Variants in ASIC2 observed in about 807,000 individuals in gnomAD.
The protein encoded by ASIC2 is acid-sensing ion channel 2.
A neutral mutation model predicts 57.3 loss-of-function variants in ASIC2; 25 were observed. The observed-to-expected ratio is 0.44, with a 90% CI of 0.32 to 0.61. The LOEUF is 0.61. ASIC2 is among the 20% of genes least tolerant of loss of function. The pLI is 0.06. For synonymous variants in ASIC2, 319 were observed against 307.5 expected (o/e 1.04, Z -0.39); for missense variants, 641 against 738.1 (o/e 0.87, Z 1.52).
intron 1 of ASIC2, among the ~76,000 whole-genome samples, chr17:33,976,017 A>G (rs1029437340): frequency 2.0e-5 from 3 of 150,916 alleles, no homozygotes; most frequent in Non-Finnish European, 4.4e-5. Context: ...CTATCTTCAG[A>G]CCTCCCCTTT....
chr17:33,908,087 T>A lies in ASIC2; in HGVS notation c.555+247891A>T, dbSNP rs567839816. ...ATTTCCCATTATCTTATTTCCTCCT[T>A]ACAGTGTCCCAGTGTGCACAGCAGC... On this transcript the variant is annotated intron_variant, in intron 1 of 9. Transcript: ENST00000359872. 6.6e-5 allele frequency among the ~76,000 whole-genome samples: 10 copies of A among 152,206 alleles called. No homozygotes were observed. In the South Asian group the frequency reaches 1.7e-3, roughly 25 times the overall value.
At chr17:33,362,490 T>C (rs1431147642) in intron 1 of ASIC2, among the ~76,000 whole-genome samples, 2 of 152,146 alleles carry the variant, frequency 1.3e-5, no homozygotes, top group Non-Finnish European at 2.9e-5. Flanking sequence ...CTGGATGATG[T>C]TGGGGAACAC....
upstream of ASIC2, among the ~76,000 whole-genome samples, chr17:33,294,668 T>G (rs1044683743): frequency 2.0e-5 from 3 of 152,048 alleles, no homozygotes; most frequent in African/African-American, 7.3e-5. Flanking sequence ...TGAACATACA[T>G]GTATACCAAC....
intron 1 of ASIC2, among the ~76,000 whole-genome samples, chr17:33,618,741 T>G (rs1490972716): frequency 6.6e-6 from 1 of 152,176 alleles, no homozygotes; most frequent in African/African-American, 2.4e-5. Flanking sequence ...CCCTTGCTGC[T>G]GTCTCTTCAT....
chr17:33,992,605 C>T (rs547253636), intron 1 of ASIC2, among the ~76,000 whole-genome samples: 9 of 152,304 alleles, frequency 5.9e-5, no homozygotes, highest in Non-Finnish European at 1.2e-4. Context: ...CTCGCAAAAG[C>T]CAATTACCTG....
chr17:33,572,682 C>T (rs564461364), intron 1 of ASIC2, among the ~76,000 whole-genome samples: 1 of 152,192 alleles, frequency 6.6e-6, no homozygotes, highest in Admixed American at 6.5e-5. Flanking sequence ...CAGGCCCAGC[C>T]GCTTACCTGA....
chr17:33,664,767 A>G (rs1207225442), intron 1 of ASIC2, among the ~76,000 whole-genome samples: 1 of 152,194 alleles, frequency 6.6e-6, no homozygotes, highest in African/African-American at 2.4e-5. Flanking sequence ...TTTACAATAT[A>G]TTGTTGAGTT....
chr17:33,489,690 T>C (rs888921087), intron 1 of ASIC2, among the ~76,000 whole-genome samples: 25 of 152,342 alleles, frequency 1.6e-4, no homozygotes, highest in African/African-American at 6.0e-4. Flanking sequence ...GCTCTACCTG[T>C]TCACAAAAAT....
chr17:33,591,818 C>G (rs564082130), intron 1 of ASIC2, among the ~76,000 whole-genome samples: 1 of 152,276 alleles, frequency 6.6e-6, no homozygotes, highest in Non-Finnish European at 1.5e-5. Context: ...CCTCTCCTTG[C>G]TCGGTCCCCC....
At chr17:33,913,913 G>T (rs988259846) in intron 1 of ASIC2, among the ~76,000 whole-genome samples, 1 of 152,210 alleles carries the variant, frequency 6.6e-6, no homozygotes, top group African/African-American at 2.4e-5. Context: ...CTGTGAGATA[G>T]ATGCCATTAA....
At chr17:33,387,803 AT>A (rs1909741590) in intron 1 of ASIC2, among the ~76,000 whole-genome samples, 1 of 152,152 alleles carries the variant, frequency 6.6e-6, no homozygotes, top group South Asian at 2.1e-4. Flanking sequence ...GAGATCTTAA[AT>A]TTTTTCACCT....
chr17:34,107,303 A>G (rs1261394663), intron 1 of ASIC2, among the ~76,000 whole-genome samples: 2 of 152,080 alleles, frequency 1.3e-5, no homozygotes, highest in Admixed American at 6.5e-5. Context: ...GGAGTTTCAG[A>G]CCAGCCTGGA....
At chr17:33,357,037 G>GAA (rs1597697138) in intron 1 of ASIC2, among the ~76,000 whole-genome samples, 2 of 151,838 alleles carry the variant, frequency 1.3e-5, no homozygotes, top group Non-Finnish European at 1.5e-5. Context: ...TCCCCTGGAG[G>GAA]TAGAGCCCAG....
At chr17:33,625,276 G>A (rs1905949959) in intron 1 of ASIC2, among the ~76,000 whole-genome samples, 4 of 151,912 alleles carry the variant, frequency 2.6e-5, no homozygotes, top group Admixed American at 2.6e-4. Flanking sequence ...TTGCAGTAGA[G>A]GAAGTCAGCT....
intron 1 of ASIC2, among the ~76,000 whole-genome samples, chr17:33,855,913 T>C (rs1913914905): frequency 6.6e-6 from 1 of 152,138 alleles, no homozygotes; most frequent in Non-Finnish European, 1.5e-5. Flanking sequence ...TAGTTGTTGA[T>C]GCTGGTGCTA....
intron 1 of ASIC2, chr17:33,816,686 C>T (rs1260540616): frequency 1.3e-5 from 2 of 152,162 alleles, no homozygotes; most frequent in African/African-American, 4.8e-5. Context: ...TAGTCCTTGT[C>T]CCCTACTCAC....
At chr17:33,392,193 TC>T in intron 1 of ASIC2, among the ~76,000 whole-genome samples, 1 of 5,138 alleles carries the variant, frequency 1.9e-4, no homozygotes, top group Non-Finnish European at 4.4e-4. Context: ...CTTCCTTCCT[TC>T]CCTCCTTCCT....
chr17:33,193,358 T>C (rs1906500800), intron 1 of ASIC2, among the ~76,000 whole-genome samples: 1 of 152,150 alleles, frequency 6.6e-6, no homozygotes. Flanking sequence ...ATAAAGAATG[T>C]GGAAAGGAGT....
chr17:34,066,819 AG>A (rs1909188847), intron 1 of ASIC2, among the ~76,000 whole-genome samples: 1 of 152,150 alleles, frequency 6.6e-6, no homozygotes, highest in Non-Finnish European at 1.5e-5. Flanking sequence ...GGTTTGGTGA[AG>A]TTTCCAGGGA....
Sources: gnomAD v4.1 joint callset for allele counts (sites outside exome capture counted in the v4.1 genomes callset) on GRCh38, gnomAD v4.1.1 for gene constraint, MANE v1.5 for transcripts, NCBI Gene and HGNC (gene_info 2026-07-23, HGNC 2026-07-21) for gene names.